The following EYS variants were observed in gnomAD, a reference collection of about 807,000 sequenced individuals.
EYS encodes protein eyes shut homolog.
In EYS, 250 loss-of-function variants were observed where a neutral mutation model predicts 282.1. The ratio of observed to expected loss-of-function variants is 0.89; its 90% confidence interval spans 0.80 to 0.98. The LOEUF (loss-of-function observed/expected upper bound fraction) is 0.98. EYS is among the 50% of genes least tolerant of loss of function. EYS has a pLI of 0.00. For missense variants in EYS, 4,016 were observed against 3,709.0 expected, an observed-to-expected ratio of 1.08 and a Z score of -2.15; for synonymous variants, 1,355 against 1,282.9, an observed-to-expected ratio of 1.06 and a Z score of -1.20.
chr6:64,739,028 G>GTGAT, intron 22 of EYS, among the ~76,000 whole-genome samples: 1 of 152,252 alleles, frequency 6.6e-6, no homozygotes. Context: ...GATTACAGGC[G>GTGAT]TGAGCCACCA....
chr6:64,428,643 G>T (rs543553224), intron 28 of EYS, among the ~76,000 whole-genome samples: 1 of 152,084 alleles, frequency 6.6e-6, no homozygotes, highest in Non-Finnish European at 1.5e-5. Flanking sequence ...GCATACATTT[G>T]TATGGCTCAG....
At chr6:63,792,362 A>T (rs1562028467) in intron 37 of EYS, among the ~76,000 whole-genome samples, 1 of 152,086 alleles carries the variant, frequency 6.6e-6, no homozygotes, top group Non-Finnish European at 1.5e-5. Context: ...GGAGTAGATA[A>T]GAGGAAGAAA....
chr6:65,048,290 T>C (rs962663534), intron 13 of EYS, among the ~76,000 whole-genome samples: 87 of 152,068 alleles, frequency 5.7e-4, no homozygotes, highest in African/African-American at 1.9e-3. Context: ...TATATCATCA[T>C]CAATGACTAA....
intron 15 of EYS, among the ~76,000 whole-genome samples, chr6:64,936,330 A>G (rs948270208): frequency 6.6e-6 from 1 of 151,536 alleles, no homozygotes; most frequent in African/African-American, 2.4e-5. Context: ...AAAAATCTAC[A>G]GCTAACATCA....
Position 64,330,159 on chromosome 6 carries a change from G to A in EYS, c.6079-23077C>T, listed in dbSNP as rs533355685. 3.9e-5 allele frequency among the ~76,000 whole-genome samples: 6 copies of A among 152,290 alleles called. No homozygotes were observed. The East Asian group carries it at 5.8e-4, about 15-fold the overall frequency. On this transcript the variant is annotated intron_variant, in intron 29 of 42. Transcript: ENST00000503581. ...TTTCAAGGCACAGAAAGCTTCCTTCGTGTTCTGTGGGAGGCTGGCTATAAG... is the reference window on the plus strand; with the variant it reads ...TTTCAAGGCACAGAAAGCTTCCTTCATGTTCTGTGGGAGGCTGGCTATAAG...
chr6:63,911,671 T>C (rs896156001), intron 35 of EYS, among the ~76,000 whole-genome samples: 1 of 152,228 alleles, frequency 6.6e-6, no homozygotes, highest in African/African-American at 2.4e-5. Flanking sequence ...TTTCTTCATC[T>C]AAAGATACAG....
At chr6:64,493,317 G>A (rs115207797) in intron 26 of EYS, among the ~76,000 whole-genome samples, 2,469 of 151,434 alleles carry the variant, frequency 0.016, 22 homozygotes, top group South Asian at 0.035. Flanking sequence ...ACTTTCCAGA[G>A]CCCATAAAAA....
In EYS at chr6:64,591,800, C is replaced by A. The variant is rs961867431; in HGVS notation, c.4067G>T (p.Arg1356Leu). The change falls in exon 26 of 43, where the codon CGT becomes CTT. Residue 1356 changes from arginine (R) to leucine (L), a missense_variant. Transcript: ENST00000503581. Reference sequence around the variant, plus strand: ...GTCCTGGACAATTTGTGCTGGGTCACGAATACCAAAATTCAGGAATCGAGA... The same window carrying A: ...GTCCTGGACAATTTGTGCTGGGTCAAGAATACCAAAATTCAGGAATCGAGA... ...SSSRFLNFGI[R>L]DPAQIVQDKT... 2 of 1,551,170 alleles carry A rather than the reference C, an allele frequency of 1.3e-6. No individual in the cohort carries two copies. The highest frequency in any genetic ancestry group is 2.4e-5 in the East Asian group (1 of 40,904).
intron 31 of EYS, among the ~76,000 whole-genome samples, chr6:64,227,922 C>G (rs1010227463): frequency 6.6e-6 from 1 of 151,864 alleles, no homozygotes; most frequent in South Asian, 2.1e-4. Context: ...GACTGTTTAT[C>G]CAAAGCAAGG....
rs1245121527 is a variant in EYS at position 64,886,725 on chromosome 6, G to C, written c.2964C>G (p.Tyr988Ter). Residue 988 changes from tyrosine to a stop codon, truncating the protein, a stop_gained, in exon 19 of 43, where the codon TAC becomes TAG. Coordinates refer to ENST00000503581, the MANE Select transcript of EYS (RefSeq NM_001142800.2). LOFTEE classifies it high-confidence loss of function. ...EENCVYRTDG[Y>*]NCLCAPGYTG... The stretch of plus-strand genomic sequence containing the variant: ...TATAACCAGGGGCACAGAGGCAGTT[G>C]TATCCATCAGTCCTGTAGACACAAT... 9 of 1,546,152 alleles carry C rather than the reference G, an allele frequency of 5.8e-6. No homozygotes were observed. The highest frequency in any genetic ancestry group is 7.9e-6 in the Non-Finnish European group (9 of 1,144,148).
rs544192912 is a variant in EYS at position 65,438,623 on chromosome 6, T to G, written c.863-33256A>C. 2.0e-4 allele frequency among the ~76,000 whole-genome samples: 30 copies of G among 152,334 alleles called. No homozygotes were observed. The South Asian group carries it at 5.4e-3, about 27-fold the overall frequency. Reference sequence around the variant, plus strand: ...TGATGGCCAGTGATGATGAGCATTTTTTTCATGTGTCTGTTGGCTGCATAA... The same window carrying G: ...TGATGGCCAGTGATGATGAGCATTTGTTTCATGTGTCTGTTGGCTGCATAA... On this transcript the variant is annotated intron_variant, in intron 5 of 42. Coordinates refer to ENST00000503581, the MANE Select transcript of EYS (RefSeq NM_001142800.2).
intron 13 of EYS, among the ~76,000 whole-genome samples, chr6:65,029,031 C>A (rs1772515406): frequency 6.6e-6 from 1 of 152,048 alleles, no homozygotes; most frequent in Non-Finnish European, 1.5e-5. Flanking sequence ...ATTTATTTTA[C>A]TGCTGAAATT....
At chr6:65,179,828 T>C (rs893416446) in intron 12 of EYS, among the ~76,000 whole-genome samples, 1 of 151,874 alleles carries the variant, frequency 6.6e-6, no homozygotes, top group Non-Finnish European at 1.5e-5. Flanking sequence ...GCAAACCGAA[T>C]CCAGCAGCAC....
intron 16 of EYS, among the ~76,000 whole-genome samples, chr6:64,912,004 T>C (rs889948566): frequency 2.0e-5 from 3 of 152,110 alleles, no homozygotes; most frequent in Admixed American, 1.3e-4. Flanking sequence ...AGGATTTCTC[T>C]CTTGAGACAA....
intron 31 of EYS, among the ~76,000 whole-genome samples, chr6:64,217,311 C>T (rs568757068): frequency 3.9e-5 from 6 of 152,184 alleles, no homozygotes; most frequent in African/African-American, 1.4e-4. Context: ...GGCGGATCAC[C>T]TGAGGTCAGG....
At chr6:64,485,699 C>G (rs1776561903) in intron 26 of EYS, among the ~76,000 whole-genome samples, 1 of 151,418 alleles carries the variant, frequency 6.6e-6, no homozygotes, top group South Asian at 2.1e-4. Context: ...AGATTGCTAA[C>G]CACCAAATGA....
At chr6:65,503,476 T>C (rs1467563092) in intron 2 of EYS, among the ~76,000 whole-genome samples, 2 of 151,700 alleles carry the variant, frequency 1.3e-5, no homozygotes, top group African/African-American at 2.4e-5. Context: ...ATTTCCATTT[T>C]CTGTCATGAA....
chr6:64,002,896 T>G (rs564016605), intron 33 of EYS, among the ~76,000 whole-genome samples: 1 of 152,198 alleles, frequency 6.6e-6, no homozygotes, highest in Non-Finnish European at 1.5e-5. Context: ...TTTTGGACAC[T>G]GAACATATGT....
At chr6:65,647,563 C>T (rs1443743934) in intron 1 of EYS, among the ~76,000 whole-genome samples, 2 of 152,102 alleles carry the variant, frequency 1.3e-5, no homozygotes, top group Non-Finnish European at 2.9e-5. Context: ...CATAAAGATT[C>T]TAGAATATAA....
Sources: gnomAD v4.1 joint callset for allele counts (sites outside exome capture counted in the v4.1 genomes callset) on GRCh38, gnomAD v4.1.1 for gene constraint, MANE v1.5 for transcripts, NCBI Gene and HGNC (gene_info 2026-07-23, HGNC 2026-07-21) for gene names.